The following GPHN variants were observed in gnomAD, a reference collection of about 807,000 sequenced individuals.
The protein encoded by GPHN is gephyrin.
Under a neutral mutation model 95.5 loss-of-function variants are expected in GPHN, and 17 were observed. The ratio of observed to expected loss-of-function variants is 0.18; its 90% CI spans 0.12 to 0.27. GPHN has a LOEUF of 0.27. Ranked by LOEUF, GPHN falls within the 10% of genes least tolerant of loss-of-function variation. The pLI, the probability that GPHN is intolerant of heterozygous loss-of-function variation, is 1.00. For synonymous variants in GPHN, 320 were observed against 322.5 expected (o/e 0.99, Z 0.08); for missense variants, 660 against 978.1 (o/e 0.67, Z 4.34).
chr14:67,359,690 G>A, the GPHN span: 11 of 1,613,850 alleles, frequency 6.8e-6, no homozygotes, highest in African/African-American at 1.3e-5. Context: ...TTCGGTCTTT[G>A]CCCGACATTC....
At chr14:67,422,543 C>T in the GPHN span, among the ~76,000 whole-genome samples, 1 of 152,218 alleles carries the variant, frequency 6.6e-6, no homozygotes, top group African/African-American at 2.4e-5. Flanking sequence ...GTAGAGGAGG[C>T]CTGTCCACCA....
the GPHN span, among the ~76,000 whole-genome samples, chr14:67,289,202 G>A: frequency 3.3e-5 from 5 of 151,594 alleles, no homozygotes; most frequent in African/African-American, 4.8e-5. Flanking sequence ...TCCTGACTTC[G>A]TGTGATCCAC....
chr14:66,767,868 G>A (rs1226712730), intron 2 of GPHN, among the ~76,000 whole-genome samples: 1 of 151,932 alleles, frequency 6.6e-6, no homozygotes, highest in African/African-American at 2.4e-5. Context: ...GTTATCAATA[G>A]TGTATCTGAG....
the GPHN span, among the ~76,000 whole-genome samples, chr14:67,501,248 G>A: frequency 6.6e-5 from 10 of 152,160 alleles, no homozygotes; most frequent in South Asian, 6.2e-4. Flanking sequence ...TAGGAGAAAC[G>A]GAGGGATTGT....
chr14:67,100,682 C>T (rs949375625), intron 12 of GPHN, among the ~76,000 whole-genome samples, 174 bp from the exon 13 acceptor site: 1 of 152,216 alleles, frequency 6.6e-6, no homozygotes, highest in African/African-American at 2.4e-5. Flanking sequence ...GGATACCAAA[C>T]ATTAAATCAG....
At chr14:66,517,023 G>A (rs1207333354) in intron 1 of GPHN, among the ~76,000 whole-genome samples, 5 of 151,016 alleles carry the variant, frequency 3.3e-5, no homozygotes, top group African/African-American at 7.3e-5. Flanking sequence ...CCAGCTACTC[G>A]GGAGTGAGGC....
the GPHN span, among the ~76,000 whole-genome samples, chr14:67,456,393 G>T: frequency 2.0e-5 from 3 of 152,140 alleles, no homozygotes; most frequent in Non-Finnish European, 4.4e-5. Context: ...CTGAGGTCAG[G>T]AGTTTGAGGC....
At chr14:67,125,995 T>A (rs1452844104) in intron 17 of GPHN, among the ~76,000 whole-genome samples, 3 of 152,168 alleles carry the variant, frequency 2.0e-5, no homozygotes, top group Admixed American at 2.0e-4. Flanking sequence ...TGAAGTGAGT[T>A]GGACTAAATG....
At chr14:67,463,483 C>T in the GPHN span, among the ~76,000 whole-genome samples, 1 of 151,786 alleles carries the variant, frequency 6.6e-6, no homozygotes, top group African/African-American at 2.4e-5. Flanking sequence ...ACTAAAAATA[C>T]AAAAAATTAA....
the GPHN span, among the ~76,000 whole-genome samples, chr14:67,235,252 C>T: frequency 6.6e-6 from 1 of 151,904 alleles, no homozygotes; most frequent in African/African-American, 2.4e-5. Context: ...AAATTTTTCA[C>T]ACAAAACAAA....
intron 1 of GPHN, among the ~76,000 whole-genome samples, chr14:66,648,077 A>T (rs1433588239): frequency 1.3e-5 from 2 of 152,160 alleles, no homozygotes; most frequent in Non-Finnish European, 2.9e-5. Flanking sequence ...AAGTTTTATG[A>T]TTGGAATTGG....
At chr14:67,615,755 C>A in the GPHN span, 1 of 496,746 alleles carries the variant, frequency 2.0e-6, no homozygotes, top group South Asian at 2.2e-5. Context: ...GTTTAAGGAT[C>A]CCAATGCACC....
the GPHN span, among the ~76,000 whole-genome samples, chr14:67,667,383 G>A: frequency 5.3e-5 from 8 of 152,020 alleles, no homozygotes; most frequent in African/African-American, 7.3e-5. Context: ...TTTGTACACC[G>A]TGACAGCTGA....
chr14:67,669,917 T>C, the GPHN span, among the ~76,000 whole-genome samples: 10 of 152,210 alleles, frequency 6.6e-5, 1 homozygote, highest in South Asian at 2.1e-3. Context: ...CTGGATAACA[T>C]GGGAGACCCT....
At chr14:66,943,184 C>T (rs2067528609) in intron 8 of GPHN, among the ~76,000 whole-genome samples, 1 of 152,118 alleles carries the variant, frequency 6.6e-6, no homozygotes, top group Admixed American at 6.5e-5. Flanking sequence ...TTCAAAACAA[C>T]CCTTTAACAC....
the GPHN span, among the ~76,000 whole-genome samples, chr14:67,449,519 T>G: frequency 2.6e-5 from 4 of 152,126 alleles, no homozygotes; most frequent in Admixed American, 6.5e-5. Flanking sequence ...AATGGTCCCC[T>G]GTATCTTGTA....
chr14:66,840,663 A>C (rs992957344), intron 4 of GPHN, among the ~76,000 whole-genome samples: 13 of 151,600 alleles, frequency 8.6e-5, no homozygotes, highest in Admixed American at 8.6e-4. Context: ...CGTGTCATGA[A>C]ATATTATTCT....
At chr14:67,330,152 ATAATTAT>A in the GPHN span, among the ~76,000 whole-genome samples, 1 of 102,322 alleles carries the variant, frequency 9.8e-6, no homozygotes, top group South Asian at 3.7e-4. Flanking sequence ...AATAATAATA[ATAATTAT>A]TATTATTATT....
chr14:66,666,835 G>T (rs1426789995), intron 1 of GPHN, among the ~76,000 whole-genome samples: 1 of 152,182 alleles, frequency 6.6e-6, no homozygotes, highest in African/African-American at 2.4e-5. Context: ...AAGAAGAGAG[G>T]AAGTCAACCT....
Sources: gnomAD v4.1 joint callset for allele counts (sites outside exome capture counted in the v4.1 genomes callset) on GRCh38, gnomAD v4.1.1 for gene constraint, MANE v1.5 for transcripts, NCBI Gene and HGNC (gene_info 2026-07-23, HGNC 2026-07-21) for gene names.